Variants in LRP1B observed in about 807,000 individuals in gnomAD.
LRP1B encodes the protein low-density lipoprotein receptor-related protein 1B.
Under a neutral mutation model 556.6 loss-of-function variants are expected in LRP1B, and 217 were observed. The observed-to-expected ratio is 0.39, with a 90% confidence interval of 0.35 to 0.44. LRP1B has a LOEUF of 0.44. LRP1B is among the 20% of genes least tolerant of loss of function. The pLI is 1.00. For missense variants in LRP1B, 5,053 were observed against 5,620.8 expected (o/e 0.90, Z 3.23); for synonymous variants, 2,047 against 1,865.8 (o/e 1.10, Z -2.50).
chr2:141,076,673 G>A (rs553619145), intron 7 of LRP1B, among the ~76,000 whole-genome samples: 8 of 152,092 alleles, frequency 5.3e-5, no homozygotes. Context: ...CAAAATATTA[G>A]AAACATTTTT....
chr2:140,426,746 A>G (rs1360909210), intron 66 of LRP1B, among the ~76,000 whole-genome samples: 1 of 152,158 alleles, frequency 6.6e-6, no homozygotes, highest in Non-Finnish European at 1.5e-5. Context: ...TGAAATAAAC[A>G]GCCTTGTTGC....
chr2:141,414,253 A>G (rs1483142582), intron 3 of LRP1B, among the ~76,000 whole-genome samples: 2 of 147,698 alleles, frequency 1.4e-5, no homozygotes, highest in Non-Finnish European at 3.0e-5. Context: ...AAAAAAAAAA[A>G]GAAAAAGGAA....
At chr2:140,664,246 T>C (rs1310890289) in intron 41 of LRP1B, among the ~76,000 whole-genome samples, 1 of 152,228 alleles carries the variant, frequency 6.6e-6, no homozygotes, top group Non-Finnish European at 1.5e-5. Flanking sequence ...CACATGTTAT[T>C]GGAAAAATAG....
chr2:141,785,293 T>G (rs1158521998), intron 2 of LRP1B, among the ~76,000 whole-genome samples: 1 of 151,946 alleles, frequency 6.6e-6, no homozygotes, highest in African/African-American at 2.4e-5. Flanking sequence ...TCAGACTTCA[T>G]GTCAGCAAGA....
chr2:141,854,993 A>G (rs181073078), intron 1 of LRP1B, among the ~76,000 whole-genome samples: 372 of 152,250 alleles, frequency 2.4e-3, no homozygotes, highest in Middle Eastern at 6.8e-3. Context: ...AGTAAGTAAT[A>G]TAACAGATTA....
chr2:141,210,511 A>C (rs1682495628), intron 6 of LRP1B, among the ~76,000 whole-genome samples: 1 of 152,166 alleles, frequency 6.6e-6, no homozygotes, highest in Non-Finnish European at 1.5e-5. Context: ...TATGGGTTTC[A>C]AATATATTTC....
At chr2:141,304,602 A>C (rs988803397) in intron 3 of LRP1B, among the ~76,000 whole-genome samples, 2 of 148,968 alleles carry the variant, frequency 1.3e-5, no homozygotes, top group African/African-American at 5.0e-5. Flanking sequence ...GCCTCAGCCT[A>C]CTGAGCAGCT....
At chr2:141,496,512 C>T (rs563509377) in intron 2 of LRP1B, among the ~76,000 whole-genome samples, 58 of 152,140 alleles carry the variant, frequency 3.8e-4, no homozygotes, top group Non-Finnish European at 4.0e-4. Flanking sequence ...TCATTGAAAT[C>T]GAGCTCCTAA....
At chr2:141,649,729 A>G (rs1206298419) in intron 2 of LRP1B, among the ~76,000 whole-genome samples, 1 of 152,198 alleles carries the variant, frequency 6.6e-6, no homozygotes. Context: ...TCATCACTTT[A>G]CTTTTAAAAA....
chr2:141,642,989 C>T (rs1307551175), intron 2 of LRP1B, among the ~76,000 whole-genome samples: 1 of 151,858 alleles, frequency 6.6e-6, no homozygotes, highest in Non-Finnish European at 1.5e-5. Context: ...AGTTAAAAGA[C>T]AAACTTAAGG....
In LRP1B at chr2:141,684,168, G is replaced by A. The variant is rs545788739; in HGVS notation, c.205+126111C>T. Among the ~76,000 whole-genome samples the A allele has an allele frequency of 2.6e-5, 4 of 152,196 alleles. No homozygotes were observed. The South Asian group carries it at 6.2e-4, about 24-fold the overall frequency. ...CACATGCACATGTATGTTTATTGCA[G>A]CACTGTTCACTATAGCAAAGACTTG... On this transcript the variant is annotated intron_variant, in intron 2 of 90. Coordinates refer to ENST00000389484, the MANE Select transcript of LRP1B (RefSeq NM_018557.3).
At chr2:141,907,986 G>T (rs187863889) in intron 1 of LRP1B, among the ~76,000 whole-genome samples, 1 of 152,042 alleles carries the variant, frequency 6.6e-6, no homozygotes, top group East Asian at 1.9e-4. Flanking sequence ...TAAATGGTGA[G>T]CTTAGATGAG....
At chr2:141,216,239 C>G (rs1682807018) in intron 6 of LRP1B, among the ~76,000 whole-genome samples, 1 of 152,188 alleles carries the variant, frequency 6.6e-6, no homozygotes, top group Admixed American at 6.5e-5. Context: ...TCCAGATACA[C>G]CTCGAACTGC....
chr2:141,132,216 G>T (rs566170264), intron 7 of LRP1B, among the ~76,000 whole-genome samples: 24 of 152,036 alleles, frequency 1.6e-4, no homozygotes, highest in Non-Finnish European at 2.6e-4. Context: ...CAGTGTTGAG[G>T]GATGGGGCCT....
intron 79 of LRP1B, among the ~76,000 whole-genome samples, chr2:140,331,364 T>A (rs1382812758): frequency 6.6e-6 from 1 of 152,084 alleles, no homozygotes. Context: ...ACACACTTGA[T>A]TGAAACAACA....
At chr2:141,516,461 A>G (rs1684315586) in intron 2 of LRP1B, among the ~76,000 whole-genome samples, 1 of 152,130 alleles carries the variant, frequency 6.6e-6, no homozygotes, top group Non-Finnish European at 1.5e-5. Context: ...GATCTAAACT[A>G]TTATTTTCCT....
intron 7 of LRP1B, among the ~76,000 whole-genome samples, chr2:141,168,657 T>G (rs1680367736): frequency 6.6e-6 from 1 of 152,060 alleles, no homozygotes; most frequent in Admixed American, 6.6e-5. Flanking sequence ...ATATTTTTAT[T>G]TTAATTAAAT....
At chr2:140,694,991 C>CT (rs971602305) in intron 41 of LRP1B, among the ~76,000 whole-genome samples, 2 of 150,546 alleles carry the variant, frequency 1.3e-5, no homozygotes, top group African/African-American at 2.4e-5. Flanking sequence ...TCTTTTCATA[C>CT]TTTTTTTTTC....
At chr2:141,096,627 G>GAGA (rs1700315597) in intron 7 of LRP1B, among the ~76,000 whole-genome samples, 61 of 50,504 alleles carry the variant, frequency 1.2e-3, no homozygotes, top group South Asian at 2.2e-3. Context: ...ACGGGGAGAG[G>GAGA]GGGAGAGAGA....
Sources: allele counts gnomAD v4.1 joint callset (sites outside exome capture counted in the v4.1 genomes callset), GRCh38; gene constraint gnomAD v4.1.1; transcripts MANE v1.5; gene names NCBI Gene and HGNC (gene_info 2026-07-23, HGNC 2026-07-21).